Variants in SGCD observed in about 807,000 individuals in gnomAD.
SGCD encodes delta-sarcoglycan.
SGCD carries 18 observed loss-of-function variants against 36.6 expected under a neutral mutation model. That is an observed-to-expected ratio of 0.49 (90% CI 0.34 to 0.73). The LOEUF (loss-of-function observed/expected upper bound fraction) is 0.73, where lower values mean the gene tolerates loss of function less well. SGCD is among the 30% of genes least tolerant of loss of function. The probability of loss-of-function intolerance (pLI) is 0.01; values close to 1 mark genes in which losing one functional copy is unlikely to be tolerated. For missense variants in SGCD, 387 were observed against 346.7 expected (o/e 1.12, Z -0.92); for synonymous variants, 133 against 130.6 (o/e 1.02, Z -0.12).
intron 5 of SGCD, among the ~76,000 whole-genome samples, chr5:156,590,716 T>C (rs1379787037): frequency 6.6e-6 from 1 of 152,080 alleles, no homozygotes; most frequent in African/African-American, 2.4e-5. Context: ...ATGACTATTA[T>C]TCAGCAAAAG....
chr5:155,984,821 C>T (rs868008011), intron 1 of SGCD, among the ~76,000 whole-genome samples: 2 of 152,302 alleles, frequency 1.3e-5, no homozygotes, highest in Middle Eastern at 6.8e-3. Context: ...GCTCCCCCTC[C>T]GTTTTATTCA....
intron 1 of SGCD, among the ~76,000 whole-genome samples, chr5:156,084,391 C>T (rs1761043913): frequency 6.6e-6 from 1 of 152,102 alleles, no homozygotes; most frequent in African/African-American, 2.4e-5. Context: ...TCAGTTTCTG[C>T]ATGTTCATTG....
chr5:156,602,703 T>C (rs956560130), intron 6 of SGCD, among the ~76,000 whole-genome samples: 2 of 152,196 alleles, frequency 1.3e-5, no homozygotes, highest in Admixed American at 1.3e-4. Flanking sequence ...AATGATCATA[T>C]GGTTTTTGTC....
At chr5:156,078,573 TTATATTTATA>T (rs1179951245) in intron 1 of SGCD, among the ~76,000 whole-genome samples, 1,078 of 97,960 alleles carry the variant, frequency 0.011, 9 homozygotes, top group African/African-American at 0.09. Context: ...ATATATATAT[TTATATTTATA>T]TATATTTATA....
intron 3 of SGCD, among the ~76,000 whole-genome samples, chr5:156,283,188 C>G (rs904771520): frequency 5.3e-5 from 8 of 152,136 alleles, no homozygotes; most frequent in African/African-American, 1.9e-4. Flanking sequence ...GGCAGGGTTT[C>G]TCCATGACTG....
At chr5:156,726,646 T>C (rs915736615) in intron 7 of SGCD, among the ~76,000 whole-genome samples, 1 of 152,242 alleles carries the variant, frequency 6.6e-6, no homozygotes, top group Non-Finnish European at 1.5e-5. Flanking sequence ...AAGTCTTTTT[T>C]CCATCTCCTG....
At chr5:156,363,728 T>A (rs901441450) in intron 3 of SGCD, among the ~76,000 whole-genome samples, 2 of 152,228 alleles carry the variant, frequency 1.3e-5, no homozygotes, top group African/African-American at 4.8e-5. Context: ...CCTTCACTTT[T>A]GATTGGCAAT....
chr5:156,756,297 A>T (rs1403291356), intron 7 of SGCD, among the ~76,000 whole-genome samples: 3 of 152,206 alleles, frequency 2.0e-5, no homozygotes, highest in Non-Finnish European at 2.9e-5. Context: ...TTGTAATCCC[A>T]GCACTTTGAA....
intron 6 of SGCD, among the ~76,000 whole-genome samples, chr5:156,641,635 G>T (rs1239393644): frequency 1.3e-5 from 2 of 152,120 alleles, no homozygotes; most frequent in African/African-American, 4.8e-5. Flanking sequence ...TACTAAAAAA[G>T]CTGGATATTA....
intron 7 of SGCD, among the ~76,000 whole-genome samples, chr5:156,692,240 G>C (rs1754139383): frequency 6.6e-6 from 1 of 152,182 alleles, no homozygotes; most frequent in Non-Finnish European, 1.5e-5. Context: ...TGAGAATGAA[G>C]AGTTTTCTTC....
intron 7 of SGCD, among the ~76,000 whole-genome samples, chr5:156,754,025 A>ATCC (rs1163418482): frequency 6.6e-6 from 1 of 152,216 alleles, no homozygotes; most frequent in African/African-American, 2.4e-5. Flanking sequence ...CTTCCAGGAA[A>ATCC]TCATCATCTC....
chr5:155,746,520 T>C, the SGCD span, among the ~76,000 whole-genome samples: 1 of 152,190 alleles, frequency 6.6e-6, no homozygotes, highest in Non-Finnish European at 1.5e-5. Context: ...CAAAAGAGAA[T>C]TAGCCAATAG....
At chr5:156,079,798 G>T (rs1760901809) in intron 1 of SGCD, among the ~76,000 whole-genome samples, 1 of 152,234 alleles carries the variant, frequency 6.6e-6, no homozygotes, top group Admixed American at 6.5e-5. Flanking sequence ...CTCACAGATT[G>T]TTGAGTACCT....
chr5:156,671,434 G>A (rs762777642), intron 7 of SGCD, among the ~76,000 whole-genome samples: 11 of 151,858 alleles, frequency 7.2e-5, no homozygotes, highest in Non-Finnish European at 1.6e-4. Flanking sequence ...CACTACACCT[G>A]GCTAATTTTT....
intron 4 of SGCD, among the ~76,000 whole-genome samples, chr5:156,514,077 A>G (rs144698979): frequency 6.6e-6 from 1 of 152,320 alleles, no homozygotes; most frequent in East Asian, 1.9e-4. Context: ...TTAATTGCTA[A>G]GTATAACTGC....
intron 7 of SGCD, among the ~76,000 whole-genome samples, chr5:156,724,342 C>T (rs868070025): frequency 1.3e-5 from 2 of 152,314 alleles, no homozygotes; most frequent in Admixed American, 6.5e-5. Context: ...TGGTGGCTCA[C>T]GCCTGTAATC....
chr5:156,480,213 A>G (rs1268834097), intron 3 of SGCD, among the ~76,000 whole-genome samples: 1 of 152,242 alleles, frequency 6.6e-6, no homozygotes, highest in African/African-American at 2.4e-5. Context: ...TGCCTTGATT[A>G]GACAGACTGT....
At chr5:156,348,628 C>T (rs1769070783) in intron 3 of SGCD, among the ~76,000 whole-genome samples, 2 of 152,034 alleles carry the variant, frequency 1.3e-5, no homozygotes. Context: ...GAAAACCATC[C>T]CATGCTCATG....
At chr5:155,912,502 G>C (rs1169252088) in intron 1 of SGCD, among the ~76,000 whole-genome samples, 2 of 152,156 alleles carry the variant, frequency 1.3e-5, no homozygotes, top group African/African-American at 4.8e-5. Context: ...TCTTCAAACA[G>C]TGCCAGGCTG....
Sources: allele counts gnomAD v4.1 joint callset (sites outside exome capture counted in the v4.1 genomes callset), GRCh38; gene constraint gnomAD v4.1.1; transcripts MANE v1.5; gene names NCBI Gene and HGNC (gene_info 2026-07-23, HGNC 2026-07-21).